The following USP12 variants were observed in gnomAD, a reference collection of about 807,000 sequenced individuals.
USP12 encodes the protein ubiquitin carboxyl-terminal hydrolase 12.
A neutral mutation model predicts 45.5 loss-of-function variants in USP12; 19 were observed. The ratio of observed to expected loss-of-function variants is 0.42; its 90% CI spans 0.29 to 0.61. The LOEUF (loss-of-function observed/expected upper bound fraction) is 0.61. Ranked by LOEUF, USP12 falls within the 20% of genes least tolerant of loss-of-function variation. The pLI is 0.22. For missense variants in USP12, 242 were observed against 447.7 expected, an observed-to-expected ratio of 0.54 and a Z score of 4.15; for synonymous variants, 149 against 148.8, an observed-to-expected ratio of 1.00 and a Z score of -0.01.
chr13:27,101,696 T>G (rs911099407), intron 3 of USP12, among the ~76,000 whole-genome samples: 4 of 152,214 alleles, frequency 2.6e-5, no homozygotes, highest in South Asian at 2.1e-4. Context: ...GGTTATGTTC[T>G]CCTCATAATT....
chr13:27,147,304 T>C lies in USP12; in HGVS notation c.48+24288A>G, dbSNP rs150534550. On this transcript the variant is annotated intron_variant, in intron 1 of 8. Coordinates refer to ENST00000282344, the MANE Select transcript of USP12 (RefSeq NM_182488.4). ...AAACACAACTCAGGAAAGGAATGCA[T>C]ATCGCCATTTTATTTTAGTTTGTTT... Among the ~76,000 whole-genome samples the C allele has an allele frequency of 4.1e-3, 620 of 152,338 alleles. 5 individuals are homozygous for C. Among genetic ancestry groups the C allele is most frequent in the African/African-American group, 0.014 (568 of 41,586 alleles).
intron 1 of USP12, among the ~76,000 whole-genome samples, chr13:27,144,367 T>C (rs1027581105): frequency 6.6e-6 from 1 of 151,914 alleles, no homozygotes; most frequent in African/African-American, 2.4e-5. Context: ...TGGTGGTGCA[T>C]ACCTGTAATA....
At position 27,115,428 on chromosome 13, in the gene USP12, T is replaced by C. The variant is rs569164786; in HGVS notation, c.129+1088A>G. Among the ~76,000 whole-genome samples, 292 of 152,322 alleles carry C rather than the reference T, an allele frequency of 1.9e-3. 1 individual carries two copies. Among genetic ancestry groups the C allele is most frequent in the Middle Eastern group, 0.014 (4 of 294 alleles). ...GAATCACACACATCACTTCAACCGC[T>C]TTCCTCAAATCCATGAGAAACCCAT... On this transcript the variant is annotated intron_variant, in intron 2 of 8. Coordinates refer to ENST00000282344, the MANE Select transcript of USP12 (RefSeq NM_182488.4).
At chr13:27,089,714 T>G in intron 6 of USP12, 169 bp downstream of exon 6, 1 of 613,730 alleles carries the variant, frequency 1.6e-6, no homozygotes, top group Non-Finnish European at 2.8e-6. Flanking sequence ...AAATAAACAT[T>G]GAGTAGAATA....
chr13:27,090,021 T>G, intron 5 of USP12, 55 bp from the exon 6 acceptor site: 3 of 1,582,478 alleles, frequency 1.9e-6, no homozygotes, highest in South Asian at 1.1e-5. Context: ...TCATGTATCT[T>G]AAAAAATATT....
intron 2 of USP12, among the ~76,000 whole-genome samples, chr13:27,108,542 AAG>A (rs1491251874): frequency 2.0e-5 from 3 of 151,802 alleles, no homozygotes; most frequent in Non-Finnish European, 2.9e-5. Context: ...AAAAAAAAAA[AAG>A]AAATGTACAA....
At chr13:27,158,728 A>G (rs527669060) in intron 1 of USP12, among the ~76,000 whole-genome samples, 1 of 152,212 alleles carries the variant, frequency 6.6e-6, no homozygotes, top group Non-Finnish European at 1.5e-5. Flanking sequence ...TTGTTATGGC[A>G]GCCCTAGGAA....
intron 6 of USP12, among the ~76,000 whole-genome samples, chr13:27,085,173 TTTC>T: frequency 6.6e-6 from 1 of 151,912 alleles, no homozygotes; most frequent in Admixed American, 6.6e-5. Context: ...TCTTTCTTTC[TTTC>T]TTTCTTTTTT....
At chr13:27,085,974 TAGGCA>T (rs1232899609) in intron 6 of USP12, among the ~76,000 whole-genome samples, 1 of 151,740 alleles carries the variant, frequency 6.6e-6, no homozygotes, top group Non-Finnish European at 1.5e-5. Context: ...TAGATGAGCC[TAGGCA>T]ACATAGCAAG....
intron 1 of USP12, among the ~76,000 whole-genome samples, chr13:27,162,296 C>T (rs145556847): frequency 2.0e-5 from 3 of 152,290 alleles, no homozygotes; most frequent in East Asian, 3.9e-4. Context: ...CACACACACA[C>T]AGATATGCAG....
intron 6 of USP12, among the ~76,000 whole-genome samples, chr13:27,080,901 AGC>A (rs1252954111): frequency 6.6e-6 from 1 of 151,990 alleles, no homozygotes; most frequent in East Asian, 1.9e-4. Flanking sequence ...TGATCATCTG[AGC>A]CTTCAGTGAA....
chr13:27,110,593 C>T (rs1875388840), intron 2 of USP12, among the ~76,000 whole-genome samples: 1 of 152,146 alleles, frequency 6.6e-6, no homozygotes, highest in Admixed American at 6.5e-5. Flanking sequence ...AGGAGACAAG[C>T]ACTGGTTTCA....
At chr13:27,084,414 G>T (rs1873911665) in intron 6 of USP12, among the ~76,000 whole-genome samples, 1 of 150,086 alleles carries the variant, frequency 6.7e-6, no homozygotes, top group African/African-American at 2.5e-5. Context: ...GCTGAGGCAG[G>T]AGAATCGCTT....
At chr13:27,080,562 A>T (rs1324137336) in intron 6 of USP12, among the ~76,000 whole-genome samples, 1 of 152,166 alleles carries the variant, frequency 6.6e-6, no homozygotes, top group Non-Finnish European at 1.5e-5. Context: ...CACACACGGA[A>T]TAAAGGGAGA....
chr13:27,109,912 CA>C (rs58500654), intron 2 of USP12, among the ~76,000 whole-genome samples: 4 of 108,350 alleles, frequency 3.7e-5, no homozygotes, highest in African/African-American at 1.1e-4. Flanking sequence ...ACTCTGTCTC[CA>C]AAAAAAAAAA....
chr13:27,128,093 G>C (rs1327307), intron 1 of USP12, among the ~76,000 whole-genome samples: 113,824 of 152,134 alleles, frequency 0.75, 45,249 homozygotes, highest in South Asian at 0.92. Flanking sequence ...TATTTAGAGA[G>C]AACAAAAGAA....
chr13:27,118,260 A>G (rs1875834238), intron 1 of USP12, among the ~76,000 whole-genome samples: 1 of 152,078 alleles, frequency 6.6e-6, no homozygotes, highest in African/African-American at 2.4e-5. Context: ...ATAAAGGCAC[A>G]TGGTGAGTTG....
chr13:27,075,452 A>C lies in USP12; in HGVS notation c.735-64T>G, dbSNP rs183170666. 8.3e-3 allele frequency: 11,637 copies of C among 1,399,314 alleles called. 72 individuals carry two copies. The highest frequency in any genetic ancestry group is 0.012 in the Middle Eastern group (68 of 5,550). The allele number at this position is 1,399,314 out of a possible 1,614,324, so 86.7% of individuals were successfully genotyped here. ...ATATCCACCATGTCCTTGAATTATC[A>C]AACTTTACGATATCCAATGAACAGA... On this transcript the variant is annotated intron_variant, in intron 6 of 8. Coordinates refer to ENST00000282344, the MANE Select transcript of USP12 (RefSeq NM_182488.4).
At chr13:27,132,078 G>T (rs766850603) in intron 1 of USP12, among the ~76,000 whole-genome samples, 1 of 152,144 alleles carries the variant, frequency 6.6e-6, no homozygotes, top group East Asian at 1.9e-4. Context: ...TAAGAAATCC[G>T]GGCTATGAAA....
Sources: gnomAD v4.1 joint callset for allele counts (sites outside exome capture counted in the v4.1 genomes callset) on GRCh38, gnomAD v4.1.1 for gene constraint, MANE v1.5 for transcripts, NCBI Gene and HGNC (gene_info 2026-07-23, HGNC 2026-07-21) for gene names.